Variants in ROBO2 observed in about 807,000 individuals in gnomAD.
ROBO2 encodes roundabout guidance receptor 2, also known as roundabout homolog 2.
In ROBO2, 53 loss-of-function variants were observed where a neutral mutation model predicts 160.8. The ratio of observed to expected loss-of-function variants is 0.33; its 90% confidence interval spans 0.26 to 0.41. ROBO2 has a LOEUF of 0.41. Ranked by LOEUF, ROBO2 falls within the 10% of genes least tolerant of loss-of-function variation. The pLI, the probability that ROBO2 is intolerant of heterozygous loss-of-function variation, is 1.00. For missense variants in ROBO2, 1,577 were observed against 1,722.4 expected (o/e 0.92, Z 1.49); for synonymous variants, 664 against 611.7 (o/e 1.09, Z -1.26).
Position 77,014,115 on chromosome 3 carries a change from AT to A in ROBO2, c.110-83897del, listed in dbSNP as rs2062081757. 3.9e-5 allele frequency among the ~76,000 whole-genome samples: 6 copies of A among 152,150 alleles called. 1 individual carries two copies. The South Asian group carries it at 1.2e-3, about 32-fold the overall frequency. On this transcript the variant is annotated intron_variant, in intron 2 of 26. Transcript: ENST00000487694. The stretch of plus-strand genomic sequence containing the variant: ...GGTCTGTACAAATACTTTCAAAATC[AT>A]TACAGTTGTGTGAAATCTCATTTTC...
intron 22 of ROBO2, chr3:77,618,101 T>C (rs1282154388): frequency 3.0e-6 from 1 of 338,802 alleles, no homozygotes; most frequent in African/African-American, 2.1e-5. Flanking sequence ...TCTTTTCTAA[T>C]TTATGGTTTA....
intron 2 of ROBO2, among the ~76,000 whole-genome samples, chr3:76,971,334 A>G (rs2149282649): frequency 6.6e-6 from 1 of 152,304 alleles, no homozygotes; most frequent in East Asian, 1.9e-4. Flanking sequence ...TCTATAGAAT[A>G]AAAATATACT....
chr3:76,518,485 C>A (rs938898849), intron 2 of ROBO2, among the ~76,000 whole-genome samples: 1 of 151,884 alleles, frequency 6.6e-6, no homozygotes, highest in Non-Finnish European at 1.5e-5. Flanking sequence ...CTTTAAGAGG[C>A]GTCTCTGAAA....
chr3:77,070,416 G>T (rs2067284162), intron 1 of ROBO2, among the ~76,000 whole-genome samples: 1 of 152,038 alleles, frequency 6.6e-6, no homozygotes, highest in African/African-American at 2.4e-5. Context: ...GTGTGTGTGT[G>T]TGCGTGTGTG....
At chr3:75,928,899 T>TTAGACTTAAACCGTTCATTGAATAA (rs1559759101) in intron 1 of ROBO2, among the ~76,000 whole-genome samples, 4 of 112,660 alleles carry the variant, frequency 3.6e-5, no homozygotes, top group African/African-American at 1.6e-4. Context: ...TGTGTGTGTG[T>TTAGACTTAAACCGTTCATTGAATAA]GTGATAGCTG....
intron 2 of ROBO2, among the ~76,000 whole-genome samples, chr3:76,518,911 T>A (rs928607648): frequency 6.6e-6 from 1 of 152,136 alleles, no homozygotes; most frequent in African/African-American, 2.4e-5. Flanking sequence ...AACCTAAAAT[T>A]TTTTTGAAGG....
intron 2 of ROBO2, among the ~76,000 whole-genome samples, chr3:77,108,274 A>C (rs945245742): frequency 3.3e-5 from 2 of 60,592 alleles, no homozygotes; most frequent in Non-Finnish European, 7.3e-5. Flanking sequence ...ACACATATGC[A>C]TATATATATA....
chr3:76,366,658 T>C (rs2075825546), intron 2 of ROBO2, among the ~76,000 whole-genome samples: 2 of 152,170 alleles, frequency 1.3e-5, no homozygotes, highest in South Asian at 2.1e-4. Context: ...AAATTCAAGA[T>C]ATTTCTTTAC....
intron 2 of ROBO2, among the ~76,000 whole-genome samples, chr3:76,321,398 G>C (rs2072514235): frequency 6.6e-6 from 1 of 152,026 alleles, no homozygotes; most frequent in Non-Finnish European, 1.5e-5. Flanking sequence ...CACTGCTCAG[G>C]AGGCTGAGGC....
rs1414215471 is a variant in ROBO2 at position 77,622,442 on chromosome 3, C to T, written c.3760+10C>T. 6.2e-7 allele frequency: 1 copy of T among 1,613,400 alleles called. No individual in the cohort carries two copies. Among genetic ancestry groups the T allele is most frequent in the South Asian group, 1.1e-5 (1 of 91,042 alleles). On this transcript the variant is annotated intron_variant, in intron 23 of 25. Transcript: ENST00000461745. ...GACAGCTCTGTGACAGGTAACGGAA[C>T]CAATTTAATAGGAAAAACTGACCTA...
intron 1 of ROBO2, among the ~76,000 whole-genome samples, chr3:77,062,035 C>T (rs893062203): frequency 2.0e-5 from 3 of 151,876 alleles, no homozygotes; most frequent in African/African-American, 7.3e-5. Context: ...AGAGAGAAAC[C>T]GAGAGTTTAG....
chr3:76,970,580 T>A (rs192092408), intron 2 of ROBO2, among the ~76,000 whole-genome samples: 1 of 152,214 alleles, frequency 6.6e-6, no homozygotes, highest in South Asian at 2.1e-4. Context: ...AAGGGCTACA[T>A]GGAAAGGGAC....
At chr3:76,171,313 C>G in intron 2 of ROBO2, among the ~76,000 whole-genome samples, 1 of 151,162 alleles carries the variant, frequency 6.6e-6, no homozygotes, top group African/African-American at 2.4e-5. Context: ...CCAAAACAAC[C>G]CAACCAACAA....
At chr3:77,041,803 T>A (rs2064129356) in intron 1 of ROBO2, among the ~76,000 whole-genome samples, 1 of 150,462 alleles carries the variant, frequency 6.6e-6, no homozygotes, top group South Asian at 2.1e-4. Context: ...GTACTAGATA[T>A]TTTTTTTTTC....
intron 2 of ROBO2, among the ~76,000 whole-genome samples, chr3:76,918,051 C>T (rs966573484): frequency 6.6e-6 from 1 of 151,908 alleles, no homozygotes; most frequent in African/African-American, 2.4e-5. Flanking sequence ...AGCATGGATC[C>T]CCTCGTTCCA....
intron 2 of ROBO2, among the ~76,000 whole-genome samples, chr3:77,225,605 T>TG (rs2086394179): frequency 6.6e-6 from 1 of 152,024 alleles, no homozygotes; most frequent in South Asian, 2.1e-4. Context: ...CCTCTGTGGG[T>TG]CATTTTTGAT....
At chr3:77,527,246 G>T (rs1027556521) in intron 6 of ROBO2, among the ~76,000 whole-genome samples, 157 bp from the exon 7 acceptor site, 1 of 151,468 alleles carries the variant, frequency 6.6e-6, no homozygotes, top group African/African-American at 2.4e-5. Context: ...AACTTTATCA[G>T]ACTCAGACAT....
intron 2 of ROBO2, among the ~76,000 whole-genome samples, chr3:76,888,470 G>A (rs1370624241): frequency 2.6e-5 from 4 of 152,096 alleles, no homozygotes; most frequent in Admixed American, 1.3e-4. Context: ...CTATAAATAG[G>A]AATAGATTTA....
chr3:76,409,402 T>C (rs1421710730), intron 2 of ROBO2, among the ~76,000 whole-genome samples: 1 of 152,208 alleles, frequency 6.6e-6, no homozygotes, highest in African/African-American at 2.4e-5. Flanking sequence ...GCCTACTCAT[T>C]ACTAGCCTTT....
Sources: allele counts gnomAD v4.1 joint callset (sites outside exome capture counted in the v4.1 genomes callset), GRCh38; gene constraint gnomAD v4.1.1; transcripts MANE v1.5; gene names NCBI Gene and HGNC (gene_info 2026-07-23, HGNC 2026-07-21).